The following ABLIM1 variants were observed in gnomAD, a reference collection of about 807,000 sequenced individuals.
ABLIM1 encodes the protein actin-binding LIM protein 1.
A neutral mutation model predicts 107.0 loss-of-function variants in ABLIM1; 40 were observed. The ratio of observed to expected loss-of-function variants is 0.37; its 90% CI spans 0.29 to 0.49. The LOEUF (loss-of-function observed/expected upper bound fraction) is 0.49. ABLIM1 is among the 20% of genes least tolerant of loss of function. ABLIM1 has a pLI of 0.97. For synonymous variants in ABLIM1, 357 were observed against 357.3 expected (o/e 1.00, Z 0.01); for missense variants, 857 against 1,008.5 (o/e 0.85, Z 2.04).
intron 6 of ABLIM1, among the ~76,000 whole-genome samples, chr10:114,493,651 T>A (rs1466144162): frequency 6.6e-6 from 1 of 152,054 alleles, no homozygotes; most frequent in Non-Finnish European, 1.5e-5. Context: ...GCAATAAAAA[T>A]TAAGTAAATG....
chr10:114,780,420 A>G, the ABLIM1 span, among the ~76,000 whole-genome samples: 3 of 152,214 alleles, frequency 2.0e-5, no homozygotes, highest in African/African-American at 7.2e-5. Flanking sequence ...TTTATAGACA[A>G]AAAGGGCTGG....
intron 6 of ABLIM1, among the ~76,000 whole-genome samples, chr10:114,529,094 A>T (rs2065173594): frequency 6.6e-6 from 1 of 151,962 alleles, no homozygotes; most frequent in African/African-American, 2.4e-5. Context: ...TGAGCGTCAG[A>T]ATTAGGCTCA....
chr10:114,532,303 T>C (rs1004821893), intron 6 of ABLIM1, among the ~76,000 whole-genome samples: 3 of 152,224 alleles, frequency 2.0e-5, no homozygotes, highest in Non-Finnish European at 4.4e-5. Context: ...CTTTCCCTTT[T>C]TGGGAGGAAT....
At chr10:114,669,294 G>A (rs1254530351) in intron 1 of ABLIM1, among the ~76,000 whole-genome samples, 1 of 152,170 alleles carries the variant, frequency 6.6e-6, no homozygotes, top group African/African-American at 2.4e-5. Flanking sequence ...CAAGGAAAGG[G>A]AGAGAAGCAG....
At chr10:114,444,225 A>C in intron 16 of ABLIM1, 91 bp from the exon 17 acceptor site, 1 of 1,122,606 alleles carries the variant, frequency 8.9e-7, no homozygotes, top group Admixed American at 2.4e-5. Context: ...AGCAGATCCC[A>C]CAAGAAGTTT....
At chr10:114,500,208 G>C (rs115665553) in intron 6 of ABLIM1, among the ~76,000 whole-genome samples, 1 of 152,124 alleles carries the variant, frequency 6.6e-6, no homozygotes, top group South Asian at 2.1e-4. Context: ...TCAGAGGAAG[G>C]GTCAGCAGCT....
At chr10:114,711,836 A>G (rs1195103954) in intron 1 of ABLIM1, among the ~76,000 whole-genome samples, 2 of 151,982 alleles carry the variant, frequency 1.3e-5, no homozygotes, top group South Asian at 2.1e-4. Flanking sequence ...TACCCCAACC[A>G]CACTCTCCTC....
chr10:114,582,198 A>C (rs537611083), intron 2 of ABLIM1, among the ~76,000 whole-genome samples: 159 of 152,332 alleles, frequency 1.0e-3, no homozygotes, highest in Non-Finnish European at 2.2e-3. Flanking sequence ...TACAAAAACC[A>C]GTATAATTTC....
intron 1 of ABLIM1, among the ~76,000 whole-genome samples, chr10:114,633,198 C>A (rs542568120): frequency 6.6e-6 from 1 of 152,290 alleles, no homozygotes; most frequent in South Asian, 2.1e-4. Context: ...AATATTGTAA[C>A]ATGTTGAGTC....
chr10:114,798,557 C>CCCG, the ABLIM1 span, among the ~76,000 whole-genome samples: 4 of 30,014 alleles, frequency 1.3e-4, no homozygotes, highest in Non-Finnish European at 3.2e-4. Context: ...GATGATGAGA[C>CCCG]CCCCCCCCCA....
intron 22 of ABLIM1, 75 bp downstream of exon 22, chr10:114,437,769 A>C (rs2059628320): frequency 1.6e-6 from 2 of 1,262,162 alleles, no homozygotes; most frequent in South Asian, 2.7e-5. Flanking sequence ...GAAGAAATAA[A>C]ACATTGCTTA....
chr10:114,482,060 G>A (rs1170220991), intron 8 of ABLIM1, among the ~76,000 whole-genome samples: 1 of 152,152 alleles, frequency 6.6e-6, no homozygotes, highest in African/African-American at 2.4e-5. Flanking sequence ...CAAAGGCATG[G>A]CTGAGAAAAA....
chr10:114,611,861 C>G (rs570949960), intron 1 of ABLIM1, among the ~76,000 whole-genome samples: 2 of 152,148 alleles, frequency 1.3e-5, no homozygotes, highest in Non-Finnish European at 2.9e-5. Flanking sequence ...TGAAATGACA[C>G]CCTTCTTTGA....
intron 1 of ABLIM1, among the ~76,000 whole-genome samples, chr10:114,738,857 G>A (rs1035737346): frequency 6.6e-6 from 1 of 152,142 alleles, no homozygotes; most frequent in African/African-American, 2.4e-5. Flanking sequence ...GAGTGGTCAG[G>A]ATGCACAAGG....
chr10:114,698,185 AAAT>A (rs2081234942), intron 1 of ABLIM1, among the ~76,000 whole-genome samples: 1 of 152,134 alleles, frequency 6.6e-6, no homozygotes, highest in Non-Finnish European at 1.5e-5. Flanking sequence ...GAAAAGAACT[AAAT>A]AAAAATTCAA....
chr10:114,510,608 C>G (rs2061713087), intron 6 of ABLIM1, among the ~76,000 whole-genome samples: 1 of 151,676 alleles, frequency 6.6e-6, no homozygotes. Flanking sequence ...ATGCTCCAAG[C>G]TTCTACTGCT....
In ABLIM1 at chr10:114,435,711, TC is replaced by T. The variant is rs1366978892; in HGVS notation, c.*548del. 1.3e-5 allele frequency: 2 copies of T among 152,494 alleles called. No individual in the cohort carries two copies. Among genetic ancestry groups the T allele is most frequent in the African/African-American group, 4.8e-5 (2 of 41,432 alleles). The allele number at this position is 152,494 out of a possible 1,614,324, so 9.4% of individuals were successfully genotyped here. A position where few individuals can be genotyped will look rare whatever the true frequency, so the allele number is the denominator to read the frequency against. ...CCCCATTCAAACAGAGCTGCCCTGT[TC>T]CCTGATGGAGTTCCATTCCTGCCAG... is the stretch of plus-strand genomic sequence containing the variant. On this transcript the variant is annotated 3_prime_UTR_variant, in exon 23 of 23. Transcript: ENST00000533213.
intron 1 of ABLIM1, among the ~76,000 whole-genome samples, chr10:114,645,716 C>T (rs574149302): frequency 7.2e-5 from 11 of 152,158 alleles, no homozygotes; most frequent in South Asian, 4.1e-4. Flanking sequence ...ACACAGACTA[C>T]GCCAAAGTAC....
intron 2 of ABLIM1, 78 bp downstream of exon 2, chr10:114,601,749 A>C (rs994846821): frequency 1.9e-5 from 30 of 1,598,982 alleles, no homozygotes; most frequent in Non-Finnish European, 2.5e-5. Context: ...CCGGATGTGG[A>C]GTTAAGGGGA....
Sources: gnomAD v4.1 joint callset for allele counts (sites outside exome capture counted in the v4.1 genomes callset) on GRCh38, gnomAD v4.1.1 for gene constraint, MANE v1.5 for transcripts, NCBI Gene and HGNC (gene_info 2026-07-23, HGNC 2026-07-21) for gene names.